Variants in LOC128462377 observed in about 807,000 individuals in gnomAD.
chr16:89,356,719 TGCAGTGA>T, the LOC128462377 span, among the ~76,000 whole-genome samples: 732 of 145,790 alleles, frequency 5.0e-3, 4 homozygotes, highest in African/African-American at 0.018. Flanking sequence ...AGGCCGAGCT[TGCAGTGA>T]GCCAAGATCG....
chr16:89,362,559 A>T, the LOC128462377 span, among the ~76,000 whole-genome samples: 1 of 152,090 alleles, frequency 6.6e-6, no homozygotes, highest in Non-Finnish European at 1.5e-5. Context: ...AAAAAGTAGA[A>T]GTTCCTCTTC....
At chr16:89,326,385 C>G in the LOC128462377 span, among the ~76,000 whole-genome samples, 4 of 151,770 alleles carry the variant, frequency 2.6e-5, no homozygotes, top group Non-Finnish European at 5.9e-5. Flanking sequence ...ACCGCCCCCC[C>G]CACCCCGCTG....
the LOC128462377 span, among the ~76,000 whole-genome samples, chr16:89,415,760 G>A: frequency 6.9e-6 from 1 of 145,126 alleles, no homozygotes; most frequent in Non-Finnish European, 1.5e-5. Flanking sequence ...TCTGGGAGGT[G>A]GAGGTTGCAG....
chr16:89,414,101 G>C, the LOC128462377 span, among the ~76,000 whole-genome samples: 1 of 152,170 alleles, frequency 6.6e-6, no homozygotes, highest in Non-Finnish European at 1.5e-5. Context: ...TGCGCACTCG[G>C]GGACACTGAG....
chr16:89,332,103 C>G, the LOC128462377 span, among the ~76,000 whole-genome samples: 5 of 151,710 alleles, frequency 3.3e-5, no homozygotes, highest in African/African-American at 1.2e-4. Context: ...GACTGGGCAA[C>G]ATGGCAAGAT....
chr16:89,359,918 G>C, the LOC128462377 span, among the ~76,000 whole-genome samples: 1 of 152,000 alleles, frequency 6.6e-6, no homozygotes, highest in Non-Finnish European at 1.5e-5. Flanking sequence ...TTTTAGGTTC[G>C]GGGGCACATG....
the LOC128462377 span, among the ~76,000 whole-genome samples, chr16:89,366,675 G>C: frequency 2.0e-5 from 3 of 152,186 alleles, no homozygotes; most frequent in Non-Finnish European, 2.9e-5. Context: ...AGGGTGCTGA[G>C]ACATGTCTAG....
At chr16:89,359,670 C>T in the LOC128462377 span, among the ~76,000 whole-genome samples, 45 of 152,348 alleles carry the variant, frequency 3.0e-4, no homozygotes, top group Admixed American at 4.6e-4. Context: ...CACCTCTCTG[C>T]CTCTCCACAC....
chr16:89,324,523 G>C, the LOC128462377 span: 1 of 456,068 alleles, frequency 2.2e-6, no homozygotes, highest in Non-Finnish European at 4.4e-6. Context: ...GCTGCCAAAG[G>C]AGATTCACAT....
At chr16:89,374,332 T>A in the LOC128462377 span, among the ~76,000 whole-genome samples, 3 of 148,878 alleles carry the variant, frequency 2.0e-5, no homozygotes, top group Non-Finnish European at 4.5e-5. Flanking sequence ...CACCATGTGT[T>A]TTTGTAAAAA....
the LOC128462377 span, among the ~76,000 whole-genome samples, chr16:89,394,343 C>T: frequency 2.0e-5 from 3 of 152,256 alleles, no homozygotes; most frequent in Admixed American, 6.5e-5. Context: ...AAAAACAGCT[C>T]GTGGGCCAGG....
chr16:89,375,424 C>T, the LOC128462377 span, among the ~76,000 whole-genome samples: 53 of 151,948 alleles, frequency 3.5e-4, no homozygotes, highest in East Asian at 8.9e-3. Context: ...TGTGACAAGC[C>T]GCTGCGCTCC....
chr16:89,366,740 C>T, the LOC128462377 span, among the ~76,000 whole-genome samples: 1 of 152,208 alleles, frequency 6.6e-6, no homozygotes, highest in South Asian at 2.1e-4. Context: ...CCTAACAAAG[C>T]AGCTCTCTTG....
the LOC128462377 span, among the ~76,000 whole-genome samples, chr16:89,382,994 C>T: frequency 1.3e-5 from 2 of 152,206 alleles, no homozygotes; most frequent in African/African-American, 2.4e-5. Flanking sequence ...GCGTGAGCCA[C>T]CGTGCCAGGC....
the LOC128462377 span, among the ~76,000 whole-genome samples, chr16:89,357,175 T>C: frequency 6.6e-6 from 1 of 152,294 alleles, no homozygotes; most frequent in South Asian, 2.1e-4. Flanking sequence ...CGGCCAGAGC[T>C]ACAACACACC....
chr16:89,399,971 C>A, the LOC128462377 span, among the ~76,000 whole-genome samples: 3 of 152,034 alleles, frequency 2.0e-5, no homozygotes, highest in African/African-American at 7.2e-5. Flanking sequence ...CAGCCTCTGC[C>A]CCAGGCTTCC....
At chr16:89,378,652 A>G in the LOC128462377 span, among the ~76,000 whole-genome samples, 2 of 152,172 alleles carry the variant, frequency 1.3e-5, no homozygotes, top group African/African-American at 2.4e-5. Flanking sequence ...ACACTGGTGT[A>G]CACAAAGATT....
At chr16:89,321,222 G>A in the LOC128462377 span, 2 of 152,290 alleles carry the variant, frequency 1.3e-5, no homozygotes, top group African/African-American at 2.4e-5. Flanking sequence ...CACTGACTAC[G>A]GCAAGGTCAG....
chr16:89,416,876 G>A, the LOC128462377 span, among the ~76,000 whole-genome samples: 3 of 152,128 alleles, frequency 2.0e-5, no homozygotes, highest in African/African-American at 7.2e-5. Context: ...AGACCCTGGG[G>A]TGTGGGGTGC....
Sources: gnomAD v4.1 joint callset for allele counts (sites outside exome capture counted in the v4.1 genomes callset) on GRCh38, gnomAD v4.1.1 for gene constraint, MANE v1.5 for transcripts.